RAPGEF1: variants seen among roughly 807,000 people sequenced by gnomAD.
RAPGEF1 encodes the protein Rap guanine nucleotide exchange factor 1.
A neutral mutation model predicts 143.3 loss-of-function variants in RAPGEF1; 33 were observed. The ratio of observed to expected loss-of-function variants is 0.23; its 90% CI spans 0.17 to 0.31. The LOEUF is 0.31. RAPGEF1 is among the 10% of genes least tolerant of loss of function. RAPGEF1 has a pLI of 1.00. For synonymous variants in RAPGEF1, 629 were observed against 676.5 expected, an observed-to-expected ratio of 0.93 and a Z score of 1.09; for missense variants, 1,199 against 1,645.4, an observed-to-expected ratio of 0.73 and a Z score of 4.69.
chr9:131,601,362 A>G (rs537255271), intron 15 of RAPGEF1, among the ~76,000 whole-genome samples: 4 of 152,234 alleles, frequency 2.6e-5, no homozygotes, highest in African/African-American at 9.6e-5. Context: ...GGTGTCTTTT[A>G]CACTCCCTAT....
At chr9:131,735,241 C>T (rs1306141266) in intron 1 of RAPGEF1, among the ~76,000 whole-genome samples, 1 of 152,188 alleles carries the variant, frequency 6.6e-6, no homozygotes, top group African/African-American at 2.4e-5. Flanking sequence ...GAAACTGACA[C>T]ATGCAGTCCA....
In RAPGEF1 at chr9:131,628,793, A is replaced by G; in HGVS notation, c.894-121T>C. 1.5e-6 allele frequency: 2 copies of G among 1,336,472 alleles called. No homozygotes were observed. Among genetic ancestry groups the G allele is most frequent in the Non-Finnish European group, 2.0e-6 (2 of 984,370 alleles). The allele number at this position is 1,336,472 out of a possible 1,614,324, so 82.8% of individuals were successfully genotyped here. On this transcript the variant is annotated intron_variant, in intron 7 of 26. Transcript: ENST00000683357. This position sits in a 1 kb window ranked among gnomAD's most constrained non-coding sequence, Gnocchi z 5.7. ...TAGACTCTCCACACCCAATGTTCAC[A>G]CTTCAACTCCTGCCTACTCCCCTCC...
At chr9:131,644,319 G>T (rs1030567400) in intron 3 of RAPGEF1, among the ~76,000 whole-genome samples, 2 of 151,810 alleles carry the variant, frequency 1.3e-5, no homozygotes, top group South Asian at 2.1e-4. Flanking sequence ...CAGCTGGCTG[G>T]CAGGAAAAGG....
At chr9:131,691,867 T>TA (rs918268199) in intron 1 of RAPGEF1, among the ~76,000 whole-genome samples, 7 of 152,110 alleles carry the variant, frequency 4.6e-5, no homozygotes, top group South Asian at 2.1e-4. Flanking sequence ...TTTCTCAGAT[T>TA]AAAAAAAACA....
intron 3 of RAPGEF1, among the ~76,000 whole-genome samples, chr9:131,649,200 A>ATTTTTT (rs55813422): frequency 2.3e-5 from 2 of 87,232 alleles, no homozygotes; most frequent in African/African-American, 4.6e-5. Context: ...GCCTGGCTAA[A>ATTTTTT]TTTTTTTTTT....
chr9:131,598,387 G>T (rs1182909089), intron 15 of RAPGEF1, 77 bp from the exon 16 acceptor site: 2 of 1,300,230 alleles, frequency 1.5e-6, no homozygotes, highest in Non-Finnish European at 2.2e-6. Context: ...GGCAGTGCCG[G>T]TGTGCACGGC....
rs1588128077 is a variant in RAPGEF1 at position 131,578,202 on chromosome 9, A to G, written c.*1295T>C. 1 of 152,340 alleles carries G rather than the reference A, an allele frequency of 6.6e-6. No individual in the cohort carries two copies. Among genetic ancestry groups the G allele is most frequent in the Admixed American group, 6.5e-5 (1 of 15,288 alleles). 9.4% of individuals were successfully genotyped at this position (152,340 alleles called of 1,614,324 possible). A position where few individuals can be genotyped will look rare whatever the true frequency, so the allele number is the denominator to read the frequency against. ...GCTGGAGGCCACGGAACCAGGCGGCACAGGGCAGATTCTGTTTGTCAAGCG... is the reference window on the plus strand; with the variant it reads ...GCTGGAGGCCACGGAACCAGGCGGCGCAGGGCAGATTCTGTTTGTCAAGCG... On this transcript the variant is annotated 3_prime_UTR_variant, in exon 27 of 27. Coordinates refer to ENST00000683357, the MANE Select transcript of RAPGEF1 (RefSeq NM_001377935.1).
intron 4 of RAPGEF1, among the ~76,000 whole-genome samples, chr9:131,640,730 G>C (rs1967687242): frequency 6.6e-6 from 1 of 152,158 alleles, no homozygotes; most frequent in Admixed American, 6.5e-5. Context: ...GGGCGGCAAA[G>C]GGCCTGTTTG....
intron 1 of RAPGEF1, among the ~76,000 whole-genome samples, chr9:131,727,636 C>T (rs1280769459): frequency 2.0e-5 from 3 of 152,186 alleles, no homozygotes; most frequent in African/African-American, 7.2e-5. Flanking sequence ...GCAGTACGTG[C>T]ATTTCTCCTG....
intron 1 of RAPGEF1, among the ~76,000 whole-genome samples, chr9:131,691,362 G>C (rs1169419003): frequency 6.6e-6 from 1 of 152,082 alleles, no homozygotes. Flanking sequence ...CCGTGAAAAA[G>C]AGAAACATTA....
At chr9:131,709,398 G>A (rs559533346) in intron 1 of RAPGEF1, among the ~76,000 whole-genome samples, 32 of 152,088 alleles carry the variant, frequency 2.1e-4, no homozygotes, top group Admixed American at 2.0e-3. Context: ...GAAACATCTC[G>A]AGCTGAACTA....
At chr9:131,712,167 C>T (rs528379526) in intron 1 of RAPGEF1, among the ~76,000 whole-genome samples, 53 of 152,226 alleles carry the variant, frequency 3.5e-4, no homozygotes, top group African/African-American at 1.2e-3. Flanking sequence ...TCACAGAGCC[C>T]GCAAGCTCCT....
chr9:131,629,113 C>T lies in RAPGEF1; in HGVS notation c.882G>A (p.Val294=), dbSNP rs1235250929. 1 of 1,613,494 alleles carries T rather than the reference C, an allele frequency of 6.2e-7. No homozygotes were observed. The highest frequency in any genetic ancestry group is 1.7e-5 in the Admixed American group (1 of 59,940). The part of the protein sequence containing the change: ...PPKPPLPGIR[V]VDNSPPPALP... ...AGGAAGGTAATTACCTATTATCAACCACCCGAATGCCAGGCAGAGGAGGCT... is the reference window on the plus strand; with the variant it reads ...AGGAAGGTAATTACCTATTATCAACTACCCGAATGCCAGGCAGAGGAGGCT... The change falls in exon 7 of 27, where the codon GTG becomes GTA. Residue 294 remains valine (V), a synonymous_variant. Transcript: ENST00000683357.
chr9:131,603,431 T>C (rs1019533169), intron 14 of RAPGEF1, among the ~76,000 whole-genome samples: 3 of 152,152 alleles, frequency 2.0e-5, no homozygotes, highest in African/African-American at 7.2e-5. Flanking sequence ...TGACGTCGGG[T>C]ACCTTGTGGC....
At chr9:131,627,806 A>G in intron 9 of RAPGEF1, 107 bp downstream of exon 9, 1 of 1,220,854 alleles carries the variant, frequency 8.2e-7, no homozygotes. Context: ...AAGTCAGCCA[A>G]AGCCACGTAG....
At chr9:131,661,185 G>T (rs1219527340) in intron 1 of RAPGEF1, among the ~76,000 whole-genome samples, 1 of 152,194 alleles carries the variant, frequency 6.6e-6, no homozygotes, top group Non-Finnish European at 1.5e-5. Flanking sequence ...CATCAGACAT[G>T]TACCAGAATA....
At chr9:131,654,250 CTG>C (rs944559121) in intron 1 of RAPGEF1, among the ~76,000 whole-genome samples, 1 of 151,662 alleles carries the variant, frequency 6.6e-6, no homozygotes, top group African/African-American at 2.4e-5. Context: ...AAAAAAAGAA[CTG>C]TACCCTTTTT....
intron 1 of RAPGEF1, among the ~76,000 whole-genome samples, chr9:131,666,721 GTAT>G (rs1830496396): frequency 6.6e-6 from 1 of 152,154 alleles, no homozygotes; most frequent in Non-Finnish European, 1.5e-5. Flanking sequence ...TTTATCTAAA[GTAT>G]TATTACAACA....
At chr9:131,665,565 T>G (rs1171158497) in intron 1 of RAPGEF1, among the ~76,000 whole-genome samples, 3 of 152,072 alleles carry the variant, frequency 2.0e-5, no homozygotes, top group South Asian at 4.1e-4. Flanking sequence ...TATGTCACCC[T>G]TCTGTTTGAA....
Sources: gnomAD v4.1 joint callset for allele counts (sites outside exome capture counted in the v4.1 genomes callset) on GRCh38, gnomAD v4.1.1 for gene constraint, Gnocchi (gnomAD v3.1) non-coding constraint, MANE v1.5 for transcripts, NCBI Gene and HGNC (gene_info 2026-07-23, HGNC 2026-07-21) for gene names.